GABBR2: variants seen among roughly 807,000 people sequenced by gnomAD.
The protein encoded by GABBR2 is G-protein coupled receptor 51.
In GABBR2, 23 loss-of-function variants were observed where a neutral mutation model predicts 105.6. The observed-to-expected ratio is 0.22, with a 90% CI of 0.16 to 0.31. GABBR2 has a LOEUF of 0.31. Ranked by LOEUF, GABBR2 falls within the 10% of genes least tolerant of loss-of-function variation. The pLI is 1.00. For synonymous variants in GABBR2, 478 were observed against 499.7 expected, an observed-to-expected ratio of 0.96 and a Z score of 0.58; for missense variants, 734 against 1,245.5, an observed-to-expected ratio of 0.59 and a Z score of 6.18.
At chr9:98,650,869 A>G (rs180744707) in intron 1 of GABBR2, among the ~76,000 whole-genome samples, 4 of 152,332 alleles carry the variant, frequency 2.6e-5, no homozygotes, top group African/African-American at 4.8e-5. Context: ...AAAGCATTCA[A>G]ATTCGTAGGG....
At chr9:98,384,344 A>C (rs1342963351) in intron 11 of GABBR2, among the ~76,000 whole-genome samples, 1 of 152,246 alleles carries the variant, frequency 6.6e-6, no homozygotes, top group Non-Finnish European at 1.5e-5. Flanking sequence ...TTAAAAAAAT[A>C]ACTAGGGAGG....
intron 16 of GABBR2, among the ~76,000 whole-genome samples, chr9:98,302,447 C>T (rs1174936316): frequency 6.6e-6 from 1 of 152,234 alleles, no homozygotes; most frequent in East Asian, 1.9e-4. Flanking sequence ...GCTGCCCCAA[C>T]CGGGCCCTCT....
At chr9:98,338,609 C>A (rs1265515238) in intron 13 of GABBR2, among the ~76,000 whole-genome samples, 1 of 152,188 alleles carries the variant, frequency 6.6e-6, no homozygotes, top group East Asian at 1.9e-4. Flanking sequence ...TGGCTATAAT[C>A]AAAAAGGCAG....
At chr9:98,519,314 G>C (rs1041744480) in intron 3 of GABBR2, among the ~76,000 whole-genome samples, 7 of 152,242 alleles carry the variant, frequency 4.6e-5, no homozygotes, top group African/African-American at 1.7e-4. Context: ...CGTTTCAAGG[G>C]GGAGGCTTGA....
At chr9:98,487,368 T>A (rs1379215977) in intron 4 of GABBR2, among the ~76,000 whole-genome samples, 1 of 152,132 alleles carries the variant, frequency 6.6e-6, no homozygotes, top group Non-Finnish European at 1.5e-5. Flanking sequence ...GACTTTTTTT[T>A]GGCCAGAGTC....
chr9:98,549,921 C>T (rs62576020), intron 2 of GABBR2, among the ~76,000 whole-genome samples: 23,359 of 152,152 alleles, frequency 0.15, 2,055 homozygotes, highest in Non-Finnish European at 0.2. Context: ...CTATCCATGG[C>T]CACCTGGCCA....
intron 1 of GABBR2, among the ~76,000 whole-genome samples, chr9:98,703,216 C>A (rs1384584473): frequency 6.6e-6 from 1 of 152,124 alleles, no homozygotes; most frequent in Non-Finnish European, 1.5e-5. Context: ...GAGAGTGAAG[C>A]CAACACAGAA....
intron 11 of GABBR2, among the ~76,000 whole-genome samples, chr9:98,379,184 T>C (rs541087305): frequency 6.6e-6 from 1 of 152,354 alleles, no homozygotes; most frequent in East Asian, 1.9e-4. Context: ...GCCCCAGTTT[T>C]GGTAGAGCAA....
intron 3 of GABBR2, among the ~76,000 whole-genome samples, chr9:98,505,174 C>CAAAA (rs1827482960): frequency 6.6e-6 from 1 of 152,194 alleles, no homozygotes; most frequent in Admixed American, 6.5e-5. Flanking sequence ...AAAACTTATC[C>CAAAA]ATGTGGTGTA....
intron 2 of GABBR2, among the ~76,000 whole-genome samples, chr9:98,542,488 T>G (rs936491157): frequency 5.6e-4 from 86 of 152,236 alleles, no homozygotes; most frequent in Non-Finnish European, 4.4e-4. Context: ...ACTGAATCGT[T>G]TCTAATTTGG....
chr9:98,308,617 G>A (rs1232944101), intron 14 of GABBR2, among the ~76,000 whole-genome samples: 2 of 152,170 alleles, frequency 1.3e-5, no homozygotes, highest in African/African-American at 4.8e-5. Flanking sequence ...GGAGACCCTT[G>A]GGGAGAAGAA....
chr9:98,299,899 G>A (rs1329657046), intron 16 of GABBR2, among the ~76,000 whole-genome samples: 1 of 152,140 alleles, frequency 6.6e-6, no homozygotes, highest in East Asian at 1.9e-4. Flanking sequence ...GTCTCACTCT[G>A]TCACCCAGAT....
intron 7 of GABBR2, among the ~76,000 whole-genome samples, chr9:98,425,269 T>C (rs909959153): frequency 6.6e-6 from 1 of 152,168 alleles, no homozygotes. Context: ...GAGCCTTCCC[T>C]GAAGCAGTGA....
chr9:98,513,967 T>A, intron 3 of GABBR2, among the ~76,000 whole-genome samples: 1 of 152,210 alleles, frequency 6.6e-6, no homozygotes, highest in Non-Finnish European at 1.5e-5. Context: ...CATGTGTTTA[T>A]TGCGGGACTA....
intron 1 of GABBR2, among the ~76,000 whole-genome samples, chr9:98,633,956 C>G (rs1253638090): frequency 1.3e-5 from 2 of 152,168 alleles, no homozygotes; most frequent in Non-Finnish European, 2.9e-5. Context: ...CTTCAGTGCA[C>G]AGCCACTGAG....
chr9:98,490,447 T>C (rs1294036992), intron 4 of GABBR2, among the ~76,000 whole-genome samples: 1 of 152,178 alleles, frequency 6.6e-6, no homozygotes, highest in Admixed American at 6.5e-5. Flanking sequence ...CTGTTTGCCT[T>C]AGGATTCATT....
At chr9:98,456,878 T>A (rs1467887932) in intron 6 of GABBR2, among the ~76,000 whole-genome samples, 3 of 152,270 alleles carry the variant, frequency 2.0e-5, no homozygotes, top group Admixed American at 2.0e-4. Context: ...ACCAGCAATC[T>A]TAATTTTTTA....
intron 13 of GABBR2, among the ~76,000 whole-genome samples, chr9:98,333,263 TCTC>T (rs1239774703): frequency 6.6e-6 from 1 of 152,114 alleles, no homozygotes; most frequent in Non-Finnish European, 1.5e-5. Flanking sequence ...AGTGGGCACT[TCTC>T]CTATCTAGGC....
intron 1 of GABBR2, among the ~76,000 whole-genome samples, chr9:98,593,519 G>A (rs1261420123): frequency 2.0e-5 from 3 of 152,182 alleles, no homozygotes; most frequent in Non-Finnish European, 4.4e-5. Context: ...TTCAGGGGCT[G>A]TGTGAGTCTG....
Sources: allele counts gnomAD v4.1 joint callset (sites outside exome capture counted in the v4.1 genomes callset), GRCh38; gene constraint gnomAD v4.1.1; transcripts MANE v1.5; gene names NCBI Gene and HGNC (gene_info 2026-07-23, HGNC 2026-07-21).